The following ZNF423 variants were observed in gnomAD, a reference collection of about 807,000 sequenced individuals.
ZNF423 encodes the protein Ebf-associated zinc finger protein.
A neutral mutation model predicts 95.8 loss-of-function variants in ZNF423; 12 were observed. The ratio of observed to expected loss-of-function variants is 0.13; its 90% confidence interval spans 0.08 to 0.20. ZNF423 has a LOEUF of 0.20. Among genes scored for constraint, ZNF423 ranks in the 10% least tolerant of loss-of-function variants. The probability of loss-of-function intolerance (pLI) is 1.00; values close to 1 mark genes in which losing one functional copy is unlikely to be tolerated. For synonymous variants in ZNF423, 749 were observed against 711.9 expected, an observed-to-expected ratio of 1.05 and a Z score of -0.83; for missense variants, 1,316 against 1,737.1, an observed-to-expected ratio of 0.76 and a Z score of 4.31.
intron 2 of ZNF423, among the ~76,000 whole-genome samples, chr16:49,732,898 G>A (rs192930492): frequency 6.6e-6 from 1 of 152,350 alleles, no homozygotes; most frequent in African/African-American, 2.4e-5. Context: ...GAACTGCGCG[G>A]AGGCAGTAAA....
intron 7 of ZNF423, among the ~76,000 whole-genome samples, chr16:49,520,749 C>A (rs1288751799): frequency 1.3e-5 from 2 of 152,206 alleles, no homozygotes; most frequent in Non-Finnish European, 2.9e-5. Flanking sequence ...TCCACCCAAC[C>A]AGGGCCTTCC....
intron 3 of ZNF423, among the ~76,000 whole-genome samples, chr16:49,665,420 G>T (rs1036776007): frequency 6.6e-6 from 1 of 152,178 alleles, no homozygotes; most frequent in Non-Finnish European, 1.5e-5. Flanking sequence ...GGAGAAGTGT[G>T]TGGGGCCTGG....
At chr16:49,754,790 C>A (rs373153970) in intron 2 of ZNF423, among the ~76,000 whole-genome samples, 1 of 152,158 alleles carries the variant, frequency 6.6e-6, no homozygotes. Context: ...GGCCTGGGGT[C>A]GGAAGGAAAG....
chr16:49,815,118 T>C (rs958929716), intron 1 of ZNF423, among the ~76,000 whole-genome samples: 2 of 152,144 alleles, frequency 1.3e-5, no homozygotes, highest in Non-Finnish European at 2.9e-5. Flanking sequence ...CTTCGGCAAG[T>C]TACTCAGACT....
At position 49,489,713 on chromosome 16, in the gene ZNF423, A is replaced by C. The variant is rs1359361650; in HGVS notation, c.*1562T>G. 6.6e-6 allele frequency: 1 copy of C among 152,188 alleles called. No individual in the cohort carries two copies. Among genetic ancestry groups the C allele is most frequent in the East Asian group, 1.9e-4 (1 of 5,188 alleles). The allele number at this position is 152,188 out of a possible 1,614,324, so 9.4% of individuals were successfully genotyped here. ...TAGGTGCAATCTGTCTGCCTGTTTC[A>C]TTTCCGCTCTGCAGAGGGTAATAAC... is the stretch of plus-strand genomic sequence containing the variant. On this transcript the variant is annotated 3_prime_UTR_variant, in exon 8 of 8. Coordinates refer to ENST00000563137, the MANE Select transcript of ZNF423 (RefSeq NM_001379286.1).
At chr16:49,780,866 A>T (rs1257657574) in intron 2 of ZNF423, among the ~76,000 whole-genome samples, 1 of 152,218 alleles carries the variant, frequency 6.6e-6, no homozygotes, top group Non-Finnish European at 1.5e-5. Context: ...TTCTACATCT[A>T]TTTAGTGAGA....
chr16:49,629,118 A>G lies in ZNF423; in HGVS notation c.3517-2864T>C, dbSNP rs112473704. Among the ~76,000 whole-genome samples the G allele has an allele frequency of 6.2e-3, 942 of 152,236 alleles. 9 individuals carry two copies. Among genetic ancestry groups the G allele is most frequent in the African/African-American group, 0.02 (846 of 41,542 alleles). On this transcript the variant is annotated intron_variant, in intron 4 of 7. Transcript: ENST00000563137. ...AGATGAACCACCAGGTAGCTTAACC[A>G]TCTCAGCTCCTACTTCCCTCTTTAT...
intron 5 of ZNF423, among the ~76,000 whole-genome samples, chr16:49,579,218 C>A (rs568163672): frequency 2.7e-5 from 4 of 149,530 alleles, no homozygotes; most frequent in South Asian, 2.2e-4. Context: ...CCTGCCCCCC[C>A]ACCCCCACCC....
At chr16:49,567,397 T>A (rs1970226556) in intron 5 of ZNF423, among the ~76,000 whole-genome samples, 1 of 152,210 alleles carries the variant, frequency 6.6e-6, no homozygotes, top group Non-Finnish European at 1.5e-5. Flanking sequence ...CTCCACAATG[T>A]GGAAACAGGG....
At chr16:49,655,724 A>T (rs1035789883) in intron 3 of ZNF423, among the ~76,000 whole-genome samples, 1 of 152,126 alleles carries the variant, frequency 6.6e-6, no homozygotes, top group Non-Finnish European at 1.5e-5. Context: ...GTTCCCAAAT[A>T]CACACCATGG....
intron 1 of ZNF423, among the ~76,000 whole-genome samples, chr16:49,820,579 T>G (rs922157336): frequency 2.0e-5 from 3 of 152,134 alleles, no homozygotes; most frequent in Admixed American, 2.0e-4. Context: ...ACTTTGAAAT[T>G]TTTGCTCTAA....
chr16:49,718,822 C>T (rs1052825572), intron 3 of ZNF423, among the ~76,000 whole-genome samples: 1 of 152,158 alleles, frequency 6.6e-6, no homozygotes, highest in African/African-American at 2.4e-5. Context: ...CCTTCATGAC[C>T]TAATCACCTC....
chr16:49,496,317 G>C (rs1293676940), intron 7 of ZNF423, among the ~76,000 whole-genome samples: 1 of 152,216 alleles, frequency 6.6e-6, no homozygotes, highest in Non-Finnish European at 1.5e-5. Context: ...TGTTGAAATG[G>C]GATCCCCAGT....
intron 5 of ZNF423, among the ~76,000 whole-genome samples, chr16:49,600,368 T>A (rs1971326640): frequency 1.3e-5 from 2 of 151,690 alleles, no homozygotes; most frequent in Non-Finnish European, 2.9e-5. Flanking sequence ...AGGGGGCAGA[T>A]CCTCCCAAGT....
At position 49,603,907 on chromosome 16, in the gene ZNF423, G is replaced by A. The variant is rs956811371; in HGVS notation, c.3601+22263C>T. Among the ~76,000 whole-genome samples the A allele has an allele frequency of 2.0e-5, 3 of 152,166 alleles. No homozygotes were observed. The highest frequency in any genetic ancestry group is 7.2e-5 in the African/African-American group (3 of 41,420). On this transcript the variant is annotated intron_variant, in intron 5 of 7. Transcript: ENST00000563137. The surrounding 1 kb of genome is among the most constrained non-coding windows in gnomAD (Gnocchi z 4.1). ...CCCCTTGTGGCTTGCCAGGAGCAGG[G>A]GTAGGGCTTGGAGAGCCCTGGGGAC...
intron 2 of ZNF423, among the ~76,000 whole-genome samples, chr16:49,735,524 C>A (rs570422044): frequency 1.3e-5 from 2 of 152,186 alleles, no homozygotes. Flanking sequence ...AACGAGGGAC[C>A]GAATTCTCCT....
rs574841522 is a variant in ZNF423 at position 49,492,501 on chromosome 16, G to A, written c.3850-1197C>T. ...CGGGGCCGGGGCCGGGGCCGGGGCC[G>A]AGACGGGCCACTCCTGCTCCCTGGA... On this transcript the variant is annotated intron_variant, in intron 7 of 7. Coordinates refer to ENST00000563137, the MANE Select transcript of ZNF423 (RefSeq NM_001379286.1). The surrounding 1 kb of genome is among the most constrained non-coding windows in gnomAD (Gnocchi z 4.2). Among the ~76,000 whole-genome samples the A allele has an allele frequency of 4.0e-4, 61 of 152,170 alleles. No individual in the cohort carries two copies. Among genetic ancestry groups the A allele is most frequent in the African/African-American group, 1.4e-3 (59 of 41,490 alleles).
chr16:49,505,258 C>T (rs949316369), intron 7 of ZNF423, among the ~76,000 whole-genome samples: 3 of 152,198 alleles, frequency 2.0e-5, no homozygotes, highest in African/African-American at 7.2e-5. Context: ...CTAGGTCACA[C>T]GGTCACTAAT....
chr16:49,769,753 C>G (rs112709902), intron 2 of ZNF423, among the ~76,000 whole-genome samples: 1 of 149,036 alleles, frequency 6.7e-6, no homozygotes, highest in Non-Finnish European at 1.5e-5. Flanking sequence ...CACGCTCCCC[C>G]CACCACCTCA....
Sources: gnomAD v4.1 joint callset for allele counts (sites outside exome capture counted in the v4.1 genomes callset) on GRCh38, gnomAD v4.1.1 for gene constraint, Gnocchi (gnomAD v3.1) non-coding constraint, MANE v1.5 for transcripts, NCBI Gene and HGNC (gene_info 2026-07-23, HGNC 2026-07-21) for gene names.